Variants in INO80D observed in about 807,000 individuals in gnomAD.
INO80D encodes the protein INO80 complex subunit D.
Under a neutral mutation model 87.6 loss-of-function variants are expected in INO80D, and 21 were observed. That is an observed-to-expected ratio of 0.24 (90% confidence interval 0.17 to 0.35). INO80D has a LOEUF of 0.35. INO80D is among the 10% of genes least tolerant of loss of function. The pLI is 1.00. For missense variants in INO80D, 982 were observed against 1,280.7 expected, an observed-to-expected ratio of 0.77 and a Z score of 3.56; for synonymous variants, 440 against 491.0, an observed-to-expected ratio of 0.90 and a Z score of 1.37.
Position 206,085,133 on chromosome 2 carries a change from C to T in INO80D, c.-124+768G>A, listed in dbSNP as rs1303786228. On this transcript the variant is annotated intron_variant, in intron 1 of 10. Transcript: ENST00000403263. The surrounding 1 kb of genome is among the most constrained non-coding windows in gnomAD (Gnocchi z 4.5). ...CCTGGGGGGTCCCGGGCGCTAGGACCAGGGCTCCCCGGAGAGACAGCGGCC... is the reference window on the plus strand; with the variant it reads ...CCTGGGGGGTCCCGGGCGCTAGGACTAGGGCTCCCCGGAGAGACAGCGGCC... Among the ~76,000 whole-genome samples, 2 of 152,060 alleles carry T rather than the reference C, an allele frequency of 1.3e-5. No homozygotes were observed. Among genetic ancestry groups the T allele is most frequent in the Non-Finnish European group, 2.9e-5 (2 of 67,990 alleles).
At chr2:206,013,476 C>T (rs560849865) in intron 8 of INO80D, among the ~76,000 whole-genome samples, 355 of 149,000 alleles carry the variant, frequency 2.4e-3, no homozygotes, top group Admixed American at 4.2e-3. Flanking sequence ...GGCGTGAACC[C>T]GGGAGGTGGA....
At chr2:206,044,225 G>A (rs796517906) in intron 5 of INO80D, among the ~76,000 whole-genome samples, 21 of 152,112 alleles carry the variant, frequency 1.4e-4, no homozygotes, top group African/African-American at 5.1e-4. Flanking sequence ...TAAAATACAG[G>A]ACAGAGATTC....
Position 206,085,258 on chromosome 2 carries a change from C to G in INO80D, c.-124+643G>C, listed in dbSNP as rs1690413016. Among the ~76,000 whole-genome samples the G allele has an allele frequency of 6.6e-6, 1 of 151,982 alleles. No homozygotes were observed. Among genetic ancestry groups the G allele is most frequent in the African/African-American group, 2.4e-5 (1 of 41,410 alleles). On this transcript the variant is annotated intron_variant, in intron 1 of 10. Coordinates refer to ENST00000403263, the MANE Select transcript of INO80D (RefSeq NM_017759.5). This position sits in a 1 kb window ranked among gnomAD's most constrained non-coding sequence, Gnocchi z 4.5. ...CACGCCCGCCAGGCCGCCCGCCCCGCCCCGCCCCGGCCTGGCCGTCCGGAG... is the reference window on the plus strand; with the variant it reads ...CACGCCCGCCAGGCCGCCCGCCCCGGCCCGCCCCGGCCTGGCCGTCCGGAG...
At chr2:206,011,020 G>A (rs1688160013) in intron 8 of INO80D, among the ~76,000 whole-genome samples, 1 of 149,766 alleles carries the variant, frequency 6.7e-6, no homozygotes, top group Admixed American at 6.7e-5. Flanking sequence ...AGAGGTTGCA[G>A]TGAGCTGAGA....
Position 206,004,667 on chromosome 2 carries a change from T to C in INO80D, c.2785A>G (p.Thr929Ala). 6.2e-7 allele frequency: 1 copy of C among 1,613,590 alleles called. No individual in the cohort carries two copies. The highest frequency in any genetic ancestry group is 2.2e-5 in the East Asian group (1 of 44,856). ...STPPTTSNSE[T>A]TQPAFATVTP... ...ACGGTGGCGAAGGCAGGCTGTGTGG[T>C]CTCTGAGTTCGAAGTGGTGGGTGGC... The change falls in exon 11 of 11, where the codon ACC becomes GCC. Residue 929 changes from threonine (T) to alanine (A), a missense_variant. Transcript: ENST00000403263. This position sits in a 1 kb window ranked among gnomAD's most constrained non-coding sequence, Gnocchi z 4.9.
At position 206,003,730 on chromosome 2, in the gene INO80D, A is replaced by G. The variant is rs1017277051; in HGVS notation, c.*638T>C. Reference sequence around the variant, plus strand: ...CTCATTAAGTAGGGGGAAGGGGAGAACAAAAAAAAATCAAACTAATGGGAC... The same window carrying G: ...CTCATTAAGTAGGGGGAAGGGGAGAGCAAAAAAAAATCAAACTAATGGGAC... On this transcript the variant is annotated 3_prime_UTR_variant, in exon 11 of 11. Coordinates refer to ENST00000403263, the MANE Select transcript of INO80D (RefSeq NM_017759.5). The G allele has an allele frequency of 1.3e-5, 2 of 154,440 alleles. No individual in the cohort carries two copies. Among genetic ancestry groups the G allele is most frequent in the Non-Finnish European group, 2.9e-5 (2 of 69,512 alleles). The allele number at this position is 154,440 out of a possible 1,614,324, so 9.6% of individuals were successfully genotyped here.
intron 4 of INO80D, among the ~76,000 whole-genome samples, chr2:206,050,332 A>C (rs1486496605): frequency 2.0e-5 from 3 of 151,486 alleles, no homozygotes; most frequent in Non-Finnish European, 4.4e-5. Context: ...CTCTACTAAA[A>C]ATGCAAAAAA....
chr2:206,027,146 G>A lies in INO80D; in HGVS notation c.1298+965C>T, dbSNP rs974237792. Among the ~76,000 whole-genome samples the A allele has an allele frequency of 6.8e-5, 7 of 102,222 alleles. No individual in the cohort carries two copies. The East Asian group carries it at 1.0e-3, about 15-fold the overall frequency. 67.1% of individuals were successfully genotyped at this position (102,222 alleles called of 152,430 possible). A position where few individuals can be genotyped will look rare whatever the true frequency, so the allele number is the denominator to read the frequency against. ...CTCACTGGAAAATTTACACACGCAC[G>A]CGCGCACGCGCACACACACACACAC... is the stretch of plus-strand genomic sequence containing the variant. On this transcript the variant is annotated intron_variant, in intron 6 of 10. Transcript: ENST00000403263.
intron 1 of INO80D, among the ~76,000 whole-genome samples, chr2:206,064,128 C>T (rs1689755245): frequency 1.3e-5 from 2 of 152,216 alleles, no homozygotes; most frequent in African/African-American, 2.4e-5. Context: ...TTATATCATT[C>T]ATTTCAAAGT....
chr2:206,085,781 G>A lies in INO80D; in HGVS notation c.-124+120C>T, dbSNP rs1193736955. Reference sequence around the variant, plus strand: ...CATTCTCCGCCCGGGGCCTGGCGTGGGCCGGCGAATCCCCGGCCTCACGTA... The same window carrying A: ...CATTCTCCGCCCGGGGCCTGGCGTGAGCCGGCGAATCCCCGGCCTCACGTA... On this transcript the variant is annotated intron_variant, in intron 1 of 10. Transcript: ENST00000403263. This position sits in a 1 kb window ranked among gnomAD's most constrained non-coding sequence, Gnocchi z 4.5. The A allele has an allele frequency of 6.6e-6, 1 of 151,506 alleles. No individual in the cohort carries two copies. The highest frequency in any genetic ancestry group is 1.5e-5 in the Non-Finnish European group (1 of 67,898). The allele number at this position is 151,506 out of a possible 1,614,324, so 9.4% of individuals were successfully genotyped here. A position where few individuals can be genotyped will look rare whatever the true frequency, so the allele number is the denominator to read the frequency against.
chr2:206,073,154 A>G (rs1462891005), intron 1 of INO80D, among the ~76,000 whole-genome samples: 2 of 152,146 alleles, frequency 1.3e-5, no homozygotes, highest in Non-Finnish European at 2.9e-5. Context: ...CTTCTAATTG[A>G]GTATTATTGT....
chr2:206,081,973 G>A (rs1016807651), intron 1 of INO80D, among the ~76,000 whole-genome samples: 10 of 152,118 alleles, frequency 6.6e-5, no homozygotes, highest in Non-Finnish European at 1.0e-4. Flanking sequence ...CCAGTCTAAA[G>A]GTGTCACTGC....
intron 3 of INO80D, among the ~76,000 whole-genome samples, chr2:206,060,470 T>G (rs1435318549): frequency 6.6e-6 from 1 of 150,990 alleles, no homozygotes; most frequent in Non-Finnish European, 1.5e-5. Context: ...AGGCAGAGGT[T>G]GCAGTGAGCC....
intron 3 of INO80D, among the ~76,000 whole-genome samples, chr2:206,057,433 GAGAA>G (rs1307475001): frequency 6.6e-6 from 1 of 152,184 alleles, no homozygotes; most frequent in African/African-American, 2.4e-5. Flanking sequence ...GAGAGAGACA[GAGAA>G]AGAGAGAGAG....
chr2:206,045,974 A>T (rs540465175), intron 5 of INO80D, among the ~76,000 whole-genome samples: 130 of 152,268 alleles, frequency 8.5e-4, no homozygotes, highest in African/African-American at 3.1e-3. Flanking sequence ...TTTCAATTCT[A>T]GGTTCTATTA....
intron 1 of INO80D, among the ~76,000 whole-genome samples, chr2:206,081,494 T>TA (rs1690281827): frequency 2.0e-5 from 3 of 152,176 alleles, no homozygotes; most frequent in Admixed American, 2.0e-4. Context: ...GGCTCACACC[T>TA]ATAATCCCAG....
intron 5 of INO80D, among the ~76,000 whole-genome samples, chr2:206,045,123 T>G (rs1399030105): frequency 6.6e-6 from 1 of 152,204 alleles, no homozygotes; most frequent in Non-Finnish European, 1.5e-5. Flanking sequence ...TTTAAGACAG[T>G]GACCACTAAT....
chr2:206,035,916 C>T (rs779690798), intron 5 of INO80D, among the ~76,000 whole-genome samples: 16 of 151,920 alleles, frequency 1.1e-4, no homozygotes, highest in Non-Finnish European at 2.1e-4. Context: ...AAGTGGGCTA[C>T]GGACATGAAT....
rs1306226508 is a variant in INO80D at position 206,056,368 on chromosome 2, G to A, written c.794C>T (p.Pro265Leu). 2 of 1,613,826 alleles carry A rather than the reference G, an allele frequency of 1.2e-6. No individual in the cohort carries two copies. The highest frequency in any genetic ancestry group is 1.7e-6 in the Non-Finnish European group (2 of 1,179,880). Reference sequence around the variant, plus strand: ...GGGAGCCCTACTGGATGGCAGGAGGGGCAGAGGCCTCTTGTGAGACAACTG... The same window carrying A: ...GGGAGCCCTACTGGATGGCAGGAGGAGCAGAGGCCTCTTGTGAGACAACTG... Reference protein sequence around the residue: ...ARQLSHKRPLPLLPSSRAPTV... With the variant: ...ARQLSHKRPLLLLPSSRAPTV... The change falls in exon 4 of 11, where the codon CCC (proline) becomes CTC (leucine). Residue 265 changes from proline to leucine, a missense_variant. Transcript: ENST00000403263.
Sources: gnomAD v4.1 joint callset for allele counts (sites outside exome capture counted in the v4.1 genomes callset) on GRCh38, gnomAD v4.1.1 for gene constraint, Gnocchi (gnomAD v3.1) non-coding constraint, MANE v1.5 for transcripts, NCBI Gene and HGNC (gene_info 2026-07-23, HGNC 2026-07-21) for gene names.